Variants in CDH12 observed in about 807,000 individuals in gnomAD.
CDH12 encodes the protein cadherin 12, also known as cadherin-12.
Under a neutral mutation model 74.1 loss-of-function variants are expected in CDH12, and 41 were observed. That is an observed-to-expected ratio of 0.55 (90% confidence interval 0.43 to 0.72). The LOEUF (loss-of-function observed/expected upper bound fraction) is 0.72. CDH12 is among the 30% of genes least tolerant of loss of function. CDH12 has a pLI of 0.00. For missense variants in CDH12, 945 were observed against 977.2 expected (o/e 0.97, Z 0.44); for synonymous variants, 399 against 355.0 (o/e 1.12, Z -1.39).
At chr5:21,928,631 G>A (rs745807299) in intron 6 of CDH12, among the ~76,000 whole-genome samples, 4 of 152,054 alleles carry the variant, frequency 2.6e-5, no homozygotes, top group African/African-American at 7.2e-5. Flanking sequence ...AAGTATGCTC[G>A]TGTCTTCTAA....
chr5:22,528,599 TG>T (rs1215192209), intron 1 of CDH12, among the ~76,000 whole-genome samples: 1 of 152,190 alleles, frequency 6.6e-6, no homozygotes, highest in African/African-American at 2.4e-5. Context: ...AGATCATTTA[TG>T]TGGTGCTTAA....
intron 2 of CDH12, among the ~76,000 whole-genome samples, chr5:22,473,801 T>C (rs1862927): frequency 6.6e-6 from 1 of 151,856 alleles, no homozygotes; most frequent in Non-Finnish European, 1.5e-5. Flanking sequence ...TAAATTGATA[T>C]ATATAGTGTA....
chr5:22,027,325 T>G (rs547370452), intron 5 of CDH12, among the ~76,000 whole-genome samples: 1 of 152,310 alleles, frequency 6.6e-6, no homozygotes, highest in African/African-American at 2.4e-5. Context: ...GATGCTGACC[T>G]CATAAAATGA....
chr5:22,154,091 T>C (rs1374800606), intron 4 of CDH12, among the ~76,000 whole-genome samples: 1 of 135,118 alleles, frequency 7.4e-6, no homozygotes, highest in Non-Finnish European at 1.6e-5. Flanking sequence ...TCTGTTCAGC[T>C]TTAATGAGGT....
intron 5 of CDH12, among the ~76,000 whole-genome samples, chr5:22,003,076 G>A (rs890073765): frequency 4.6e-5 from 7 of 152,126 alleles, no homozygotes; most frequent in Admixed American, 2.6e-4. Flanking sequence ...ATACCTGTAT[G>A]GGAAATATAT....
In CDH12 at chr5:22,598,483, A is replaced by G. The variant is rs1342258380; in HGVS notation, c.-522-93119T>C. Among the ~76,000 whole-genome samples, 3 of 152,140 alleles carry G rather than the reference A, an allele frequency of 2.0e-5. No individual in the cohort carries two copies. In the East Asian group the frequency reaches 5.8e-4, roughly 29 times the overall value. The stretch of plus-strand genomic sequence containing the variant: ...TGAGGTGCCTTCCACCATGATTACA[A>G]GTTTCATGAGGCCTCCCCAGACATC... On this transcript the variant is annotated intron_variant, in intron 1 of 14. Coordinates refer to ENST00000382254, the MANE Select transcript of CDH12 (RefSeq NM_004061.5).
chr5:22,460,987 C>T, intron 2 of CDH12, among the ~76,000 whole-genome samples: 1 of 143,530 alleles, frequency 7.0e-6, no homozygotes, highest in Non-Finnish European at 1.5e-5. Context: ...TCCCAAAGTG[C>T]TGGGATTACA....
chr5:22,673,817 C>T (rs1184534186), intron 1 of CDH12, among the ~76,000 whole-genome samples: 3 of 152,150 alleles, frequency 2.0e-5, no homozygotes, highest in East Asian at 1.9e-4. Flanking sequence ...TGTATACTTA[C>T]ATTCTAGTGA....
chr5:22,449,856 A>C lies in CDH12; in HGVS notation c.-427-44505T>G, dbSNP rs533865540. On this transcript the variant is annotated intron_variant, in intron 2 of 14. Coordinates refer to ENST00000382254, the MANE Select transcript of CDH12 (RefSeq NM_004061.5). ...TGGAGAAGAGGTAATGCTACCTGAAAACCCCAACACATTCATTTGCATTTA... is the reference window on the plus strand; with the variant it reads ...TGGAGAAGAGGTAATGCTACCTGAACACCCCAACACATTCATTTGCATTTA... 2.0e-5 allele frequency among the ~76,000 whole-genome samples: 3 copies of C among 152,114 alleles called. No individual in the cohort carries two copies. The South Asian group carries it at 6.2e-4, about 32-fold the overall frequency.
At chr5:22,724,018 T>C (rs1343633216) in intron 1 of CDH12, among the ~76,000 whole-genome samples, 1 of 151,760 alleles carries the variant, frequency 6.6e-6, no homozygotes, top group Non-Finnish European at 1.5e-5. Flanking sequence ...TTGAGCAAAC[T>C]GAGGCACAGA....
intron 1 of CDH12, among the ~76,000 whole-genome samples, chr5:22,566,130 C>A (rs1029065010): frequency 9.9e-5 from 15 of 151,992 alleles, no homozygotes; most frequent in African/African-American, 3.1e-4. Context: ...AGCACACACA[C>A]AAAAGAATAT....
At chr5:22,659,348 C>A (rs1202304435) in intron 1 of CDH12, among the ~76,000 whole-genome samples, 1 of 151,882 alleles carries the variant, frequency 6.6e-6, no homozygotes, top group Non-Finnish European at 1.5e-5. Context: ...GATATAATAC[C>A]TGTCTCAGTG....
chr5:21,798,542 C>T (rs1291890843), intron 10 of CDH12, among the ~76,000 whole-genome samples: 3 of 151,862 alleles, frequency 2.0e-5, no homozygotes, highest in Non-Finnish European at 2.9e-5. Context: ...TTTATGTTTC[C>T]CCAAAATTCA....
At position 21,776,211 on chromosome 5, in the gene CDH12, G is replaced by A. The variant is rs187049280; in HGVS notation, c.1393+7147C>T. Among the ~76,000 whole-genome samples, 402 of 152,274 alleles carry A rather than the reference G, an allele frequency of 2.6e-3. 2 individuals are homozygous for A. Among genetic ancestry groups the A allele is most frequent in the African/African-American group, 9.5e-3 (394 of 41,552 alleles). On this transcript the variant is annotated intron_variant, in intron 11 of 14. Transcript: ENST00000382254. ...CAGCTTCGGATCAAACAGCAGTGTG[G>A]AATAGTTGCTCGTCCAACAGCCTAC...
intron 1 of CDH12, among the ~76,000 whole-genome samples, chr5:22,700,112 A>C (rs933606043): frequency 6.6e-6 from 1 of 152,108 alleles, no homozygotes; most frequent in Non-Finnish European, 1.5e-5. Flanking sequence ...GGTTGCAATG[A>C]GCCGAGATTG....
At chr5:22,413,889 A>G (rs1743269257) in intron 2 of CDH12, among the ~76,000 whole-genome samples, 2 of 151,988 alleles carry the variant, frequency 1.3e-5, no homozygotes, top group African/African-American at 4.8e-5. Flanking sequence ...TTCTTCACAC[A>G]TAATATTGAA....
intron 6 of CDH12, among the ~76,000 whole-genome samples, chr5:21,861,704 G>A (rs1751052768): frequency 6.6e-6 from 1 of 152,006 alleles, no homozygotes; most frequent in Non-Finnish European, 1.5e-5. Context: ...TCTTGCCATT[G>A]CCACAGCTGG....
chr5:22,053,282 A>G (rs1006603478), intron 5 of CDH12, among the ~76,000 whole-genome samples: 5 of 152,248 alleles, frequency 3.3e-5, no homozygotes, highest in African/African-American at 1.2e-4. Context: ...CTGAATTAAC[A>G]TATGTCTCAA....
chr5:22,302,532 T>A (rs1737931613), intron 3 of CDH12, among the ~76,000 whole-genome samples: 2 of 152,238 alleles, frequency 1.3e-5, no homozygotes, highest in South Asian at 4.1e-4. Context: ...GATGAAGATG[T>A]CAATAAAGCA....
Sources: allele counts gnomAD v4.1 joint callset (sites outside exome capture counted in the v4.1 genomes callset), GRCh38; gene constraint gnomAD v4.1.1; transcripts MANE v1.5; gene names NCBI Gene and HGNC (gene_info 2026-07-23, HGNC 2026-07-21).